Variants in ASAP2 observed in about 807,000 individuals in gnomAD.
The protein encoded by ASAP2 is arf-GAP with SH3 domain, ANK repeat and PH domain-containing protein 2.
A neutral mutation model predicts 131.4 loss-of-function variants in ASAP2; 45 were observed. The ratio of observed to expected loss-of-function variants is 0.34; its 90% confidence interval spans 0.27 to 0.44. The LOEUF (loss-of-function observed/expected upper bound fraction) is 0.44, where lower values mean the gene tolerates loss of function less well. ASAP2 is among the 20% of genes least tolerant of loss of function. The probability of loss-of-function intolerance (pLI) is 1.00; values close to 1 mark genes in which losing one functional copy is unlikely to be tolerated. For synonymous variants in ASAP2, 510 were observed against 503.0 expected, an observed-to-expected ratio of 1.01 and a Z score of -0.19; for missense variants, 1,011 against 1,297.0, an observed-to-expected ratio of 0.78 and a Z score of 3.39.
At chr2:9,209,603 C>T (rs1004001337) in intron 1 of ASAP2, among the ~76,000 whole-genome samples, 4 of 152,340 alleles carry the variant, frequency 2.6e-5, no homozygotes, top group South Asian at 2.1e-4. Context: ...GAGTTTTGCT[C>T]TTGTTGCCCA....
At chr2:9,286,201 A>C (rs1572354569) in intron 2 of ASAP2, among the ~76,000 whole-genome samples, 1 of 152,142 alleles carries the variant, frequency 6.6e-6, no homozygotes, top group African/African-American at 2.4e-5. Context: ...GTTGAAGACC[A>C]GCCTAGGCAA....
chr2:9,236,062 C>G (rs1663530943), intron 1 of ASAP2, among the ~76,000 whole-genome samples: 1 of 152,142 alleles, frequency 6.6e-6, no homozygotes, highest in African/African-American at 2.4e-5. Context: ...TACCTTGTCC[C>G]AAGTGTGTCC....
intron 1 of ASAP2, among the ~76,000 whole-genome samples, chr2:9,225,484 T>G (rs1402578032): frequency 2.0e-5 from 3 of 152,208 alleles, no homozygotes; most frequent in African/African-American, 7.2e-5. Flanking sequence ...TACTTTCACC[T>G]TTTCCTCTGT....
intron 2 of ASAP2, among the ~76,000 whole-genome samples, chr2:9,294,372 TA>T (rs1036976767): frequency 1.2e-4 from 18 of 152,226 alleles, no homozygotes; most frequent in African/African-American, 4.3e-4. Context: ...GGAGGGATGA[TA>T]AGGAGTGCTT....
rs532104226 is a variant in ASAP2 at position 9,377,937 on chromosome 2, A to G, written c.1832+944A>G. Among the ~76,000 whole-genome samples the G allele has an allele frequency of 2.0e-5, 3 of 152,238 alleles. No individual in the cohort carries two copies. The East Asian group carries it at 5.8e-4, about 29-fold the overall frequency. On this transcript the variant is annotated intron_variant, in intron 18 of 27. Transcript: ENST00000281419. ...GCCAGCCCGGCTCCTAGAACGCAGC[A>G]GGGGTTTCGTAAACATTTGGTTGAT...
chr2:9,399,923 ACT>A (rs1472895896), intron 24 of ASAP2, 98 bp from the exon 25 acceptor site: 11 of 1,238,274 alleles, frequency 8.9e-6, no homozygotes, highest in Non-Finnish European at 1.3e-5. Flanking sequence ...CACCTCACAC[ACT>A]CTGAGCTTGA....
intron 2 of ASAP2, 134 bp from the exon 3 acceptor site, chr2:9,297,166 T>G: frequency 8.9e-7 from 1 of 1,120,660 alleles, no homozygotes; most frequent in Non-Finnish European, 1.3e-6. Context: ...CTATTTCTGT[T>G]CCTGGTGCAG....
At chr2:9,215,077 T>C (rs1661918987) in intron 1 of ASAP2, among the ~76,000 whole-genome samples, 2 of 152,220 alleles carry the variant, frequency 1.3e-5, no homozygotes, top group Non-Finnish European at 2.9e-5. Context: ...CCAGATGGCA[T>C]GCAGGCACCT....
At position 9,377,635 on chromosome 2, in the gene ASAP2, G is replaced by T. The variant is rs375460705; in HGVS notation, c.1832+642G>T. Among the ~76,000 whole-genome samples, 90 of 152,292 alleles carry T rather than the reference G, an allele frequency of 5.9e-4. No individual in the cohort carries two copies. In the East Asian group the frequency reaches 0.014, roughly 24 times the overall value. On this transcript the variant is annotated intron_variant, in intron 18 of 27. Transcript: ENST00000281419. ...CGTGTATTTTGACTCCCTGATCGTG[G>T]TTTGAGCCATGTGTGTACTGGAGGA...
chr2:9,275,083 T>G (rs1236050690), intron 1 of ASAP2, among the ~76,000 whole-genome samples: 1 of 52,406 alleles, frequency 1.9e-5, no homozygotes, highest in East Asian at 2.7e-4. Context: ...CATTTGTCTG[T>G]TTTTTTTTTT....
chr2:9,270,995 G>T (rs1475061221), intron 1 of ASAP2, among the ~76,000 whole-genome samples: 1 of 151,380 alleles, frequency 6.6e-6, no homozygotes, highest in African/African-American at 2.4e-5. Flanking sequence ...GGGTTTCACC[G>T]TGTTAGCCAG....
intron 15 of ASAP2, among the ~76,000 whole-genome samples, chr2:9,360,794 G>T (rs1673027642): frequency 6.6e-6 from 1 of 152,176 alleles, no homozygotes; most frequent in Non-Finnish European, 1.5e-5. Flanking sequence ...TGTTATTAAT[G>T]TAACATAATT....
rs372989754 is a variant in ASAP2 at position 9,246,486 on chromosome 2, A to G, written c.127-32831A>G. ...AAACAATTTTTTGTAGAGACGGAGT[A>G]TCACCATATTGCCCAGACTGGTTTT... On this transcript the variant is annotated intron_variant, in intron 1 of 27. Transcript: ENST00000281419. 1.6e-4 allele frequency among the ~76,000 whole-genome samples: 25 copies of G among 152,236 alleles called. No individual in the cohort carries two copies. The East Asian group carries it at 3.9e-3, about 24-fold the overall frequency.
At chr2:9,332,395 G>A (rs1670904042) in intron 7 of ASAP2, among the ~76,000 whole-genome samples, 8 of 152,186 alleles carry the variant, frequency 5.3e-5, no homozygotes, top group Admixed American at 5.2e-4. Flanking sequence ...GTACGGGAAG[G>A]TCAGCACTTT....
chr2:9,351,492 A>G (rs369507378), intron 12 of ASAP2, among the ~76,000 whole-genome samples: 5 of 152,234 alleles, frequency 3.3e-5, no homozygotes, highest in East Asian at 3.9e-4. Context: ...AAAAGAAAAT[A>G]AGATAAACCT....
At chr2:9,226,983 C>A (rs975811438) in intron 1 of ASAP2, among the ~76,000 whole-genome samples, 1 of 152,054 alleles carries the variant, frequency 6.6e-6, no homozygotes, top group African/African-American at 2.4e-5. Flanking sequence ...TGTCGCCCAG[C>A]CAGAAGGGTA....
chr2:9,329,719 CT>C (rs1309600232), intron 7 of ASAP2, among the ~76,000 whole-genome samples: 3 of 152,184 alleles, frequency 2.0e-5, no homozygotes, highest in Non-Finnish European at 4.4e-5. Context: ...GACAAGAAAT[CT>C]TTTCCTTGTG....
chr2:9,219,899 C>T (rs1000084407), intron 1 of ASAP2, among the ~76,000 whole-genome samples: 3 of 152,164 alleles, frequency 2.0e-5, no homozygotes, highest in Admixed American at 2.0e-4. Flanking sequence ...AGTCACTCAT[C>T]TACTTTCTGT....
chr2:9,244,041 G>A (rs1253942756), intron 1 of ASAP2, among the ~76,000 whole-genome samples: 1 of 152,088 alleles, frequency 6.6e-6, no homozygotes, highest in African/African-American at 2.4e-5. Flanking sequence ...GGCTCATAAC[G>A]ATAATCCCAG....
Sources: allele counts gnomAD v4.1 joint callset (sites outside exome capture counted in the v4.1 genomes callset), GRCh38; gene constraint gnomAD v4.1.1; transcripts MANE v1.5; gene names NCBI Gene and HGNC (gene_info 2026-07-23, HGNC 2026-07-21).